TGFBRAP1: variants seen among roughly 807,000 people sequenced by gnomAD.
TGFBRAP1 encodes transforming growth factor beta receptor associated protein 1.
A neutral mutation model predicts 83.2 loss-of-function variants in TGFBRAP1; 20 were observed. The observed-to-expected ratio is 0.24, with a 90% confidence interval of 0.17 to 0.35. The LOEUF (loss-of-function observed/expected upper bound fraction) is 0.35, where lower values mean the gene tolerates loss of function less well. Ranked by LOEUF, TGFBRAP1 falls within the 10% of genes least tolerant of loss-of-function variation. The probability of loss-of-function intolerance (pLI) is 1.00; values close to 1 mark genes in which losing one functional copy is unlikely to be tolerated. For synonymous variants in TGFBRAP1, 415 were observed against 459.8 expected (o/e 0.90, Z 1.25); for missense variants, 950 against 1,099.4 (o/e 0.86, Z 1.92).
At chr2:105,298,451 C>G (rs1169554584) in intron 3 of TGFBRAP1, 60 bp downstream of exon 3, 2 of 1,494,614 alleles carry the variant, frequency 1.3e-6, no homozygotes, top group Non-Finnish European at 1.8e-6. Flanking sequence ...TGATATTTAC[C>G]GAAGAAATAT....
chr2:105,302,475 C>T (rs946642505), intron 2 of TGFBRAP1, among the ~76,000 whole-genome samples: 6 of 151,820 alleles, frequency 4.0e-5, no homozygotes, highest in East Asian at 1.9e-4. Context: ...CAGAATAGTG[C>T]GCAGCTATAA....
the TGFBRAP1 span, among the ~76,000 whole-genome samples, chr2:105,255,056 G>C: frequency 1.6e-4 from 25 of 152,338 alleles, 1 homozygote; most frequent in Admixed American, 1.6e-3. Flanking sequence ...GACTAAGACA[G>C]ATACTCGGAG....
At chr2:105,275,726 A>G in intron 7 of TGFBRAP1, 23 bp from the exon 8 acceptor site, 2 of 1,585,656 alleles carry the variant, frequency 1.3e-6, no homozygotes, top group Non-Finnish European at 1.7e-6. Context: ...CAAAAAGAAA[A>G]AAAGAAAAAG....
chr2:105,293,876 G>A (rs144033514), intron 4 of TGFBRAP1, among the ~76,000 whole-genome samples: 48 of 152,300 alleles, frequency 3.2e-4, no homozygotes, highest in African/African-American at 9.6e-4. Flanking sequence ...GAAGTATGGC[G>A]CTGAGGGGTG....
rs187045575 is a variant in TGFBRAP1 at position 105,312,655 on chromosome 2, G to A, written c.-17-4337C>T. On this transcript the variant is annotated intron_variant, in intron 1 of 11. Coordinates refer to ENST00000393359, the MANE Select transcript of TGFBRAP1 (RefSeq NM_004257.6). Reference sequence around the variant, plus strand: ...AATATTAGTAATTATTTCCTACCAGGTTAAGAATATGCACATTGTCATTTT... The same window carrying A: ...AATATTAGTAATTATTTCCTACCAGATTAAGAATATGCACATTGTCATTTT... Among the ~76,000 whole-genome samples the A allele has an allele frequency of 3.4e-3, 515 of 152,306 alleles. 4 individuals are homozygous for A. The highest frequency in any genetic ancestry group is 5.6e-3 in the South Asian group (27 of 4,834).
intron 4 of TGFBRAP1, among the ~76,000 whole-genome samples, chr2:105,288,829 T>C (rs1677803934): frequency 1.3e-5 from 2 of 152,226 alleles, no homozygotes; most frequent in African/African-American, 2.4e-5. Flanking sequence ...CAGGTGTGCA[T>C]GTATATGTGT....
chr2:105,317,221 G>A lies in TGFBRAP1; in HGVS notation c.-17-8903C>T, dbSNP rs1046251003. 1.3e-5 allele frequency among the ~76,000 whole-genome samples: 2 copies of A among 152,134 alleles called. 1 individual carries two copies. Among genetic ancestry groups the A allele is most frequent in the South Asian group, 4.1e-4 (2 of 4,834 alleles). On this transcript the variant is annotated intron_variant, in intron 1 of 11. Coordinates refer to ENST00000393359, the MANE Select transcript of TGFBRAP1 (RefSeq NM_004257.6). ...TGGGAGGCCGAGGTGGGAGGATCAC[G>A]AGGTCAAAAGATGGAGATCATCCTG... is the stretch of plus-strand genomic sequence containing the variant.
rs1438483319 is a variant in TGFBRAP1, at chr2:105,280,384, T to G, written c.1461A>C (p.Lys487Asn). The change falls in exon 6 of 12, where the codon AAA (lysine) becomes AAC (asparagine). Residue 487 changes from lysine to asparagine, a missense_variant and splice_region_variant. Coordinates refer to ENST00000393359, the MANE Select transcript of TGFBRAP1 (RefSeq NM_004257.6). ...TDSAAWLEKH[K>N]KYFALGLLYH... ...CATATCAGGAAGGGAACACTCACTT[T>G]TTGTGCTTCTCTAGCCAGGCAGCAC... The G allele has an allele frequency of 6.2e-7, 1 of 1,612,430 alleles. No homozygotes were observed. The highest frequency in any genetic ancestry group is 1.3e-5 in the African/African-American group (1 of 74,900).
intron 8 of TGFBRAP1, 126 bp downstream of exon 8, chr2:105,275,434 A>G: frequency 7.0e-7 from 1 of 1,436,766 alleles, no homozygotes; most frequent in South Asian, 1.5e-5. Context: ...GAATAATAAC[A>G]ACAACAAAAA....
chr2:105,277,183 G>A (rs1481067527), intron 7 of TGFBRAP1, among the ~76,000 whole-genome samples: 1 of 152,182 alleles, frequency 6.6e-6, no homozygotes, highest in African/African-American at 2.4e-5. Flanking sequence ...CAAGCAACTG[G>A]CATGCATCAG....
Position 105,284,474 on chromosome 2 carries a change from G to A in TGFBRAP1, c.1039-76C>T. The A allele has an allele frequency of 4.5e-6, 6 of 1,332,834 alleles. No individual in the cohort carries two copies. In the South Asian group the frequency reaches 7.2e-5, roughly 16 times the overall value. The allele number at this position is 1,332,834 out of a possible 1,614,324, so 82.6% of individuals were successfully genotyped here. A position where few individuals can be genotyped will look rare whatever the true frequency, so the allele number is the denominator to read the frequency against. The stretch of plus-strand genomic sequence containing the variant: ...GCAGGGTTAAATTTGTCTAACCCTA[G>A]ATAAGTGTTCGTTATAACATAGAAA... On this transcript the variant is annotated intron_variant, in intron 4 of 11. Coordinates refer to ENST00000393359, the MANE Select transcript of TGFBRAP1 (RefSeq NM_004257.6).
intron 2 of TGFBRAP1, among the ~76,000 whole-genome samples, chr2:105,304,826 C>A (rs1678441716): frequency 6.6e-6 from 1 of 152,058 alleles, no homozygotes; most frequent in South Asian, 2.1e-4. Context: ...CGAAAGAAGC[C>A]AATCTGAAAA....
At chr2:105,304,151 T>C (rs1016196287) in intron 2 of TGFBRAP1, among the ~76,000 whole-genome samples, 1 of 152,140 alleles carries the variant, frequency 6.6e-6, no homozygotes, top group Non-Finnish European at 1.5e-5. Context: ...TACTGTCAGG[T>C]TTTTTAGGAA....
intron 1 of TGFBRAP1, among the ~76,000 whole-genome samples, chr2:105,316,533 G>A (rs1286705874): frequency 6.6e-6 from 1 of 151,364 alleles, no homozygotes; most frequent in Non-Finnish European, 1.5e-5. Context: ...CAGACTGGGA[G>A]CAGTGGCTCA....
Position 105,286,824 on chromosome 2 carries a change from AAAG to A in TGFBRAP1, c.1039-2429_1039-2427del, listed in dbSNP as rs1677733722. On this transcript the variant is annotated intron_variant, in intron 4 of 11. Coordinates refer to ENST00000393359, the MANE Select transcript of TGFBRAP1 (RefSeq NM_004257.6). Reference sequence around the variant, plus strand: ...CTAACATTTGTGATTTGGGGAATTGAAAGAAGATTCTAATCTAAAGACTTCTAA... The same window carrying A: ...CTAACATTTGTGATTTGGGGAATTGAAAGATTCTAATCTAAAGACTTCTAA... Among the ~76,000 whole-genome samples the A allele has an allele frequency of 2.0e-5, 3 of 152,346 alleles. No individual in the cohort carries two copies. The East Asian group carries it at 5.8e-4, about 29-fold the overall frequency.
intron 2 of TGFBRAP1, among the ~76,000 whole-genome samples, chr2:105,305,707 C>T (rs1451236232): frequency 6.6e-6 from 1 of 152,184 alleles, no homozygotes; most frequent in African/African-American, 2.4e-5. Context: ...CTCTGTCACC[C>T]AGGCTGGAGT....
At chr2:105,287,319 C>G (rs1677753165) in intron 4 of TGFBRAP1, among the ~76,000 whole-genome samples, 1 of 151,846 alleles carries the variant, frequency 6.6e-6, no homozygotes, top group Non-Finnish European at 1.5e-5. Flanking sequence ...CTCAATGCCA[C>G]AGAACTACAC....
rs1677079190 is a variant in TGFBRAP1, at chr2:105,269,618, A to G, written c.2060T>C (p.Val687Ala). Reference sequence around the variant, plus strand: ...CGCTGCAAAGTCCTGCAGCTCGTGCACCAGGATATGCAGCGCCTTCTCATG... The same window carrying G: ...CGCTGCAAAGTCCTGCAGCTCGTGCGCCAGGATATGCAGCGCCTTCTCATG... Reference protein sequence around the residue: ...GEHEKALHILVHELQDFAAAE... With the variant: ...GEHEKALHILAHELQDFAAAE... The change falls in exon 11 of 12, where the codon GTG becomes GCG. Residue 687 changes from valine (V) to alanine (A), a missense_variant. Transcript: ENST00000393359. The surrounding 1 kb of genome is among the most constrained non-coding windows in gnomAD (Gnocchi z 4.1). 3 of 1,607,268 alleles carry G rather than the reference A, an allele frequency of 1.9e-6. No individual in the cohort carries two copies. The highest frequency in any genetic ancestry group is 2.6e-6 in the Non-Finnish European group (3 of 1,175,686).
intron 1 of TGFBRAP1, among the ~76,000 whole-genome samples, chr2:105,322,497 G>C (rs1463851036): frequency 1.3e-5 from 2 of 152,120 alleles, no homozygotes; most frequent in Non-Finnish European, 2.9e-5. Flanking sequence ...TCCATTCACA[G>C]TAAGTGCCCC....
Sources: gnomAD v4.1 joint callset for allele counts (sites outside exome capture counted in the v4.1 genomes callset) on GRCh38, gnomAD v4.1.1 for gene constraint, Gnocchi (gnomAD v3.1) non-coding constraint, MANE v1.5 for transcripts, NCBI Gene and HGNC (gene_info 2026-07-23, HGNC 2026-07-21) for gene names.